MIDN: variants seen among roughly 807,000 people sequenced by gnomAD.
MIDN encodes the protein midbrain nucleolar protein.
Under a neutral mutation model 46.1 loss-of-function variants are expected in MIDN, and 26 were observed. The ratio of observed to expected loss-of-function variants is 0.56; its 90% CI spans 0.41 to 0.78. The LOEUF (loss-of-function observed/expected upper bound fraction) is 0.78, where lower values mean the gene tolerates loss of function less well. Among genes scored for constraint, MIDN ranks in the 30% least tolerant of loss-of-function variants. The pLI is 0.00. For missense variants in MIDN, 850 were observed against 771.8 expected (o/e 1.10, Z -1.20); for synonymous variants, 432 against 343.3 (o/e 1.26, Z -2.86).
At position 1,250,321 on chromosome 19, in the gene MIDN, C is replaced by T; in HGVS notation, c.25C>T (p.Arg9Trp). Reference sequence around the variant, plus strand: ...GATGGAGCCGCAGCCCGGCGGCGCCCGGAGCTGCCGGCGCGGGGCCCCCGG... The same window carrying T: ...GATGGAGCCGCAGCCCGGCGGCGCCTGGAGCTGCCGGCGCGGGGCCCCCGG... MEPQPGGA[R>W]SCRRGAPGGA... The change falls in exon 2 of 9, where the codon CGG becomes TGG. Residue 9 changes from arginine (R) to tryptophan (W), a missense_variant. Transcript: ENST00000682408. 1.0e-6 allele frequency: 1 copy of T among 1,002,202 alleles called. No individual in the cohort carries two copies. 62.1% of individuals were successfully genotyped at this position (1,002,202 alleles called of 1,614,324 possible). A position where few individuals can be genotyped will look rare whatever the true frequency, so the allele number is the denominator to read the frequency against.
chr19:1,255,404 G>T lies in MIDN; in HGVS notation c.986-18G>T. On this transcript the variant is annotated intron_variant, in intron 7 of 8. Transcript: ENST00000682408. ...GACTGTGCCCGTGCCGGGCACTCAC[G>T]GCCACCTCTGCCCGCAGGCACGCTA... is the stretch of plus-strand genomic sequence containing the variant. 6.4e-7 allele frequency: 1 copy of T among 1,566,372 alleles called. No homozygotes were observed. Among genetic ancestry groups the T allele is most frequent in the East Asian group, 2.4e-5 (1 of 42,128 alleles).
rs1173159913 is a variant in MIDN, at chr19:1,254,483, G to T, written c.825+5G>T. ...GCCTCCACCACCTGCCCGGAGGTGA[G>T]CCTGGGGAAGGGAAGGGTGACCCTT... On this transcript the variant is annotated splice_donor_5th_base_variant and intron_variant, in intron 6 of 8. Coordinates refer to ENST00000682408, the MANE Select transcript of MIDN (RefSeq NM_001388306.1). The T allele has an allele frequency of 1.3e-6, 2 of 1,547,388 alleles. No homozygotes were observed. Among genetic ancestry groups the T allele is most frequent in the South Asian group, 1.2e-5 (1 of 84,778 alleles).
chr19:1,250,376 A>T lies in MIDN; in HGVS notation c.80A>T (p.Glu27Val). 3 of 1,181,086 alleles carry T rather than the reference A, an allele frequency of 2.5e-6. No homozygotes were observed. The highest frequency in any genetic ancestry group is 3.2e-6 in the Non-Finnish European group (3 of 942,548). 73.2% of individuals were successfully genotyped at this position (1,181,086 alleles called of 1,614,324 possible). A position where few individuals can be genotyped will look rare whatever the true frequency, so the allele number is the denominator to read the frequency against. ...GCCTGCGAGCTGGGCCCGGCGGCCG[A>T]GGCGGCGCCCATGAGCCTCGCCATC... Reference protein sequence around the residue: ...GGACELGPAAEAAPMSLAIHS... With the variant: ...GGACELGPAAVAAPMSLAIHS... Residue 27 changes from glutamate to valine, a missense_variant, in exon 2 of 9, where the codon GAG becomes GTG. Physicochemically the swap from Glu to Val is moderately radical, Grantham distance 121 (BLOSUM62 -2). Transcript: ENST00000682408.
chr19:1,249,483 G>A (rs900106973), intron 1 of MIDN, among the ~76,000 whole-genome samples: 33 of 149,152 alleles, frequency 2.2e-4, no homozygotes, highest in Admixed American at 1.7e-3. Flanking sequence ...TCCCGCTCCC[G>A]GCCGCTCCCT....
chr19:1,252,069 C>T (rs937543818), intron 4 of MIDN, among the ~76,000 whole-genome samples, 168 bp downstream of exon 4: 1 of 152,138 alleles, frequency 6.6e-6, no homozygotes, highest in Non-Finnish European at 1.5e-5. Context: ...CTCCTCTCCC[C>T]CAAGATTCAC....
At chr19:1,249,672 C>A (rs2081098252) in intron 1 of MIDN, among the ~76,000 whole-genome samples, 1 of 135,602 alleles carries the variant, frequency 7.4e-6, no homozygotes, top group South Asian at 2.5e-4. Context: ...GTCGCCTGGG[C>A]GCTGGGGGCG....
chr19:1,251,921 T>C lies in MIDN; in HGVS notation c.384+20T>C, dbSNP rs1361860579. The C allele has an allele frequency of 3.1e-6, 5 of 1,608,928 alleles. No individual in the cohort carries two copies. Among genetic ancestry groups the C allele is most frequent in the Non-Finnish European group, 4.2e-6 (5 of 1,176,636 alleles). ...ACGCAGGTAAGACCTCGCCAGCCCC[T>C]TCCTAACAGGGCAGCCCTGGGAGCA... On this transcript the variant is annotated intron_variant, in intron 4 of 8. Coordinates refer to ENST00000682408, the MANE Select transcript of MIDN (RefSeq NM_001388306.1).
chr19:1,253,804 G>C (rs1258680298), intron 4 of MIDN, 150 bp from the exon 5 acceptor site: 1 of 494,814 alleles, frequency 2.0e-6, no homozygotes, highest in Admixed American at 4.9e-5. Flanking sequence ...AGGGGCCCAT[G>C]AGGGTGGGGG....
chr19:1,255,340 A>C (rs1418774934), intron 7 of MIDN, 82 bp from the exon 8 acceptor site: 1 of 1,460,816 alleles, frequency 6.8e-7, no homozygotes, highest in African/African-American at 1.4e-5. Flanking sequence ...GCCTGAGCTC[A>C]TGAGCTCACA....
At chr19:1,250,685 T>G (rs1285195879) in intron 2 of MIDN, among the ~76,000 whole-genome samples, 156 bp downstream of exon 2, 1 of 150,566 alleles carries the variant, frequency 6.6e-6, no homozygotes, top group East Asian at 2.0e-4. Flanking sequence ...CTCGCCTGCC[T>G]CGGCCCCCTC....
chr19:1,257,387 C>A lies in MIDN; in HGVS notation c.*115C>A, dbSNP rs2081213062. ...GGAGGGCAGGCGGCCACTCCCCCAG[C>A]CAGAAGTCTTTTTTTCTTTTCTTCT... is the stretch of plus-strand genomic sequence containing the variant. On this transcript the variant is annotated 3_prime_UTR_variant, in exon 9 of 9. Coordinates refer to ENST00000682408, the MANE Select transcript of MIDN (RefSeq NM_001388306.1). 2 of 759,334 alleles carry A rather than the reference C, an allele frequency of 2.6e-6. No individual in the cohort carries two copies. Among genetic ancestry groups the A allele is most frequent in the Non-Finnish European group, 4.4e-6 (2 of 456,606 alleles). The allele number at this position is 759,334 out of a possible 1,614,324, so 47.0% of individuals were successfully genotyped here. A position where few individuals can be genotyped will look rare whatever the true frequency, so the allele number is the denominator to read the frequency against.
chr19:1,251,538 C>T (rs367907435), intron 2 of MIDN, 24 bp from the exon 3 acceptor site: 8 of 1,605,698 alleles, frequency 5.0e-6, no homozygotes, highest in Non-Finnish European at 6.8e-6. Flanking sequence ...CGCGGAGTCT[C>T]ATGCTCTTCC....
intron 3 of MIDN, 79 bp downstream of exon 3, chr19:1,251,728 A>AGC: frequency 5.9e-6 from 9 of 1,521,958 alleles, no homozygotes; most frequent in Non-Finnish European, 8.1e-6. Context: ...CTGTCCGCAC[A>AGC]CACACTACCT....
intron 1 of MIDN, among the ~76,000 whole-genome samples, chr19:1,249,427 C>G (rs2081093542): frequency 1.3e-5 from 2 of 150,024 alleles, no homozygotes; most frequent in Admixed American, 1.3e-4. Flanking sequence ...GGTGGCCCCA[C>G]GACTTCCTGC....
At position 1,257,602 on chromosome 19, in the gene MIDN, T is replaced by G. The variant is rs1433139222; in HGVS notation, c.*330T>G. 1.0e-5 allele frequency: 3 copies of G among 292,934 alleles called. No homozygotes were observed. Among genetic ancestry groups the G allele is most frequent in the Non-Finnish European group, 1.9e-5 (3 of 156,858 alleles). The allele number at this position is 292,934 out of a possible 1,614,324, so 18.1% of individuals were successfully genotyped here. A position where few individuals can be genotyped will look rare whatever the true frequency, so the allele number is the denominator to read the frequency against. On this transcript the variant is annotated 3_prime_UTR_variant, in exon 9 of 9. Coordinates refer to ENST00000682408, the MANE Select transcript of MIDN (RefSeq NM_001388306.1). ...CTGCCAACCTTCCCCAGCTCCAATA[T>G]GTAGCAGTCTCTCTGGATGGCGGAG...
intron 1 of MIDN, among the ~76,000 whole-genome samples, chr19:1,248,957 T>C (rs567607310): frequency 6.6e-6 from 1 of 152,004 alleles, no homozygotes; most frequent in Non-Finnish European, 1.5e-5. Context: ...GACTACAGTC[T>C]TTCGTTCCCG....
chr19:1,252,383 C>G (rs551168254), intron 4 of MIDN, among the ~76,000 whole-genome samples: 1 of 151,812 alleles, frequency 6.6e-6, no homozygotes, highest in Non-Finnish European at 1.5e-5. Context: ...TCACCCTCCC[C>G]TCCTCTCTCT....
rs372340515 is a variant in MIDN, at chr19:1,250,539, G to A, written c.233+10G>A. 85 of 1,210,010 alleles carry A rather than the reference G, an allele frequency of 7.0e-5. No individual in the cohort carries two copies. The African/African-American group carries it at 1.2e-3, about 18-fold the overall frequency. The allele number at this position is 1,210,010 out of a possible 1,614,324, so 75.0% of individuals were successfully genotyped here. On this transcript the variant is annotated intron_variant, in intron 2 of 8. Transcript: ENST00000682408. ...TTCTCCACAAAGACACGTAGGTACC[G>A]CGCGCCCCCGGCCGGCCGCCCCCTC...
At position 1,255,466 on chromosome 19, in the gene MIDN, C is replaced by A. The variant is rs1362021177; in HGVS notation, c.1030C>A (p.Arg344Ser). The A allele has an allele frequency of 3.7e-6, 6 of 1,607,116 alleles. No individual in the cohort carries two copies. Among genetic ancestry groups the A allele is most frequent in the African/African-American group, 1.3e-5 (1 of 74,812 alleles). Residue 344 changes from arginine (R) to serine (S), a missense_variant, in exon 8 of 9, where the codon CGT (arginine) becomes AGT (serine). Coordinates refer to ENST00000682408, the MANE Select transcript of MIDN (RefSeq NM_001388306.1). ...CCAAGACAGCAGCGGGCGGCCGCGGCGTGACATCGGCACCATCCTGCAGAT... is the reference window on the plus strand; with the variant it reads ...CCAAGACAGCAGCGGGCGGCCGCGGAGTGACATCGGCACCATCCTGCAGAT... Reference protein sequence around the residue: ...NCQDSSGRPRRDIGTILQILN... With the variant: ...NCQDSSGRPRSDIGTILQILN...
Sources: allele counts gnomAD v4.1 joint callset (sites outside exome capture counted in the v4.1 genomes callset), GRCh38; gene constraint gnomAD v4.1.1; transcripts MANE v1.5; gene names NCBI Gene and HGNC (gene_info 2026-07-23, HGNC 2026-07-21).